Variants in CPXM2 observed in about 807,000 individuals in gnomAD.
The protein encoded by CPXM2 is inactive carboxypeptidase-like protein X2.
Under a neutral mutation model 86.1 loss-of-function variants are expected in CPXM2, and 66 were observed. The ratio of observed to expected loss-of-function variants is 0.77; its 90% confidence interval spans 0.63 to 0.94. CPXM2 has a LOEUF of 0.94. CPXM2 is among the 40% of genes least tolerant of loss of function. The pLI, the probability that CPXM2 is intolerant of heterozygous loss-of-function variation, is 0.00. For missense variants in CPXM2, 948 were observed against 1,026.3 expected (o/e 0.92, Z 1.04); for synonymous variants, 388 against 400.2 (o/e 0.97, Z 0.36).
chr10:123,754,553 GCT>G lies in CPXM2; in HGVS notation c.2017+108_2017+109del. 1 of 685,080 alleles carries G rather than the reference GCT, an allele frequency of 1.5e-6. No homozygotes were observed. The highest frequency in any genetic ancestry group is 1.8e-5 in the South Asian group (1 of 56,548). The allele number at this position is 685,080 out of a possible 1,614,324, so 42.4% of individuals were successfully genotyped here. A position where few individuals can be genotyped will look rare whatever the true frequency, so the allele number is the denominator to read the frequency against. The stretch of plus-strand genomic sequence containing the variant: ...TTTAGAGGAAGGAGACTGTAATTTG[GCT>G]CTGAGTAAGACATTTCTGGCAGTCA... On this transcript the variant is annotated intron_variant, in intron 13 of 13. Transcript: ENST00000241305. This position sits in a 1 kb window ranked among gnomAD's most constrained non-coding sequence, Gnocchi z 4.0.
intron 3 of CPXM2, among the ~76,000 whole-genome samples, chr10:123,860,343 C>T (rs1848824150): frequency 6.6e-6 from 1 of 152,184 alleles, no homozygotes; most frequent in African/African-American, 2.4e-5. Flanking sequence ...GACATGAGAT[C>T]ATTTGTTCCA....
At chr10:123,818,630 G>A (rs893636869) in intron 4 of CPXM2, among the ~76,000 whole-genome samples, 1 of 152,182 alleles carries the variant, frequency 6.6e-6, no homozygotes, top group Non-Finnish European at 1.5e-5. Context: ...TCTGACCAAG[G>A]CACTCACTTT....
At chr10:123,866,598 T>C (rs1238442792) in intron 2 of CPXM2, among the ~76,000 whole-genome samples, 1 of 151,316 alleles carries the variant, frequency 6.6e-6, no homozygotes, top group African/African-American at 2.4e-5. Flanking sequence ...TCAGACGACT[T>C]GCTTGTCTGG....
At chr10:123,841,736 G>A (rs1472196329) in intron 4 of CPXM2, among the ~76,000 whole-genome samples, 2 of 152,200 alleles carry the variant, frequency 1.3e-5, no homozygotes, top group Non-Finnish European at 2.9e-5. Flanking sequence ...TATGTCATAA[G>A]ACGGAGGGTT....
At chr10:123,893,064 G>A (rs1175817579), upstream of CPXM2, among the ~76,000 whole-genome samples, 4 of 152,242 alleles carry the variant, frequency 2.6e-5, no homozygotes, top group Non-Finnish European at 5.9e-5. Context: ...CCTATCTTGA[G>A]TGGTGACCTT....
intron 2 of CPXM2, among the ~76,000 whole-genome samples, chr10:123,931,783 A>T (rs1017270428): frequency 1.3e-5 from 2 of 152,204 alleles, no homozygotes; most frequent in Non-Finnish European, 2.9e-5. Flanking sequence ...TCCACCAATA[A>T]AATGGGAGAG....
intron 2 of CPXM2, among the ~76,000 whole-genome samples, chr10:123,866,960 C>T (rs2134205620): frequency 1.3e-5 from 2 of 152,320 alleles, no homozygotes; most frequent in South Asian, 4.1e-4. Flanking sequence ...TCTGACTTCA[C>T]CCTATTTTCC....
At chr10:123,924,960 T>G (rs1040507148) in intron 2 of CPXM2, among the ~76,000 whole-genome samples, 4 of 152,202 alleles carry the variant, frequency 2.6e-5, no homozygotes, top group Non-Finnish European at 4.4e-5. Context: ...CCAAAGGTTT[T>G]AGGGGCTCTG....
chr10:123,888,441 AT>A (rs1945213928), intron 1 of CPXM2, among the ~76,000 whole-genome samples: 3 of 152,224 alleles, frequency 2.0e-5, no homozygotes, highest in Admixed American at 2.0e-4. Context: ...AGAAGTTTGC[AT>A]TAAACACTCC....
Position 123,764,803 on chromosome 10 carries a change from A to T in CPXM2, c.1479+2170T>A, listed in dbSNP as rs189514609. On this transcript the variant is annotated intron_variant, in intron 10 of 13. Coordinates refer to ENST00000241305, the MANE Select transcript of CPXM2 (RefSeq NM_198148.3). The stretch of plus-strand genomic sequence containing the variant: ...CTTTGGGTTTCTTCTGTTATTAATT[A>T]ATTAATTTATTTATTTATTTGCTAA... Among the ~76,000 whole-genome samples the T allele has an allele frequency of 4.5e-4, 68 of 152,128 alleles. 1 individual carries two copies. Among genetic ancestry groups the T allele is most frequent in the Admixed American group, 1.8e-3 (27 of 15,288 alleles).
chr10:123,849,440 T>C (rs1848557591), intron 3 of CPXM2, among the ~76,000 whole-genome samples: 1 of 147,204 alleles, frequency 6.8e-6, no homozygotes, highest in African/African-American at 2.5e-5. Context: ...GTTCACTCTT[T>C]TTTTTTTTTT....
intron 4 of CPXM2, among the ~76,000 whole-genome samples, chr10:123,840,486 T>C (rs1376495244): frequency 6.6e-6 from 1 of 152,148 alleles, no homozygotes; most frequent in Non-Finnish European, 1.5e-5. Flanking sequence ...TCTCACAATA[T>C]GATATATGAT....
rs572289607 is a variant in CPXM2, at chr10:123,782,645, C to A, written c.890-2390G>T. Among the ~76,000 whole-genome samples the A allele has an allele frequency of 2.0e-5, 3 of 152,258 alleles. No homozygotes were observed. In the South Asian group the frequency reaches 6.2e-4, roughly 32 times the overall value. ...ACTTAGGTAAGAAATGAGTGAGGACCGAGCCCAGAGTCCACAGACAGAGCC... is the reference window on the plus strand; with the variant it reads ...ACTTAGGTAAGAAATGAGTGAGGACAGAGCCCAGAGTCCACAGACAGAGCC... On this transcript the variant is annotated intron_variant, in intron 6 of 13. Transcript: ENST00000241305.
intron 4 of CPXM2, among the ~76,000 whole-genome samples, chr10:123,812,020 T>C (rs140881299): frequency 1.1e-4 from 17 of 152,366 alleles, no homozygotes; most frequent in Non-Finnish European, 1.3e-4. Flanking sequence ...ATTGTCCTGT[T>C]AAACTACCAT....
intron 2 of CPXM2, among the ~76,000 whole-genome samples, chr10:123,923,351 C>T (rs1300562197): frequency 1.1e-4 from 16 of 151,730 alleles, no homozygotes; most frequent in East Asian, 3.9e-4. Context: ...GAGGCCGAGG[C>T]GGGCGGATCA....
chr10:123,750,687 T>A, intron 13 of CPXM2: 2 of 983,248 alleles, frequency 2.0e-6, no homozygotes, highest in Non-Finnish European at 2.4e-6. Flanking sequence ...TGGTACACAG[T>A]AGGAGCTCAA....
At chr10:123,757,404 T>C (rs1846240446) in intron 11 of CPXM2, 52 bp from the exon 12 acceptor site, 1 of 1,527,006 alleles carries the variant, frequency 6.5e-7, no homozygotes. Context: ...AAAATGGCAC[T>C]GGGGAATGCG....
In CPXM2 at chr10:123,754,496, T is replaced by C. The variant is rs1253565594; in HGVS notation, c.2017+167A>G. The stretch of plus-strand genomic sequence containing the variant: ...AACCAGCAAGCACAGGCTGAAAACC[T>C]CCCTTCCAAGGGTCTCTTGAAAAGT... On this transcript the variant is annotated intron_variant, in intron 13 of 13. Coordinates refer to ENST00000241305, the MANE Select transcript of CPXM2 (RefSeq NM_198148.3). The surrounding 1 kb of genome is among the most constrained non-coding windows in gnomAD (Gnocchi z 4.0). 6.6e-6 allele frequency among the ~76,000 whole-genome samples: 1 copy of C among 152,090 alleles called. No homozygotes were observed.
intron 2 of CPXM2, among the ~76,000 whole-genome samples, chr10:123,872,797 C>T (rs1210901350): frequency 1.3e-5 from 2 of 152,040 alleles, no homozygotes; most frequent in Admixed American, 1.3e-4. Flanking sequence ...AGGAGGTATA[C>T]CATCCAAAAC....
Sources: gnomAD v4.1 joint callset for allele counts (sites outside exome capture counted in the v4.1 genomes callset) on GRCh38, gnomAD v4.1.1 for gene constraint, Gnocchi (gnomAD v3.1) non-coding constraint, MANE v1.5 for transcripts, NCBI Gene and HGNC (gene_info 2026-07-23, HGNC 2026-07-21) for gene names.